P2RX2: variants seen among roughly 807,000 people sequenced by gnomAD.
P2RX2 encodes P2X purinoceptor 2.
P2RX2 carries 50 observed loss-of-function variants against 54.8 expected under a neutral mutation model. The ratio of observed to expected loss-of-function variants is 0.91; its 90% CI spans 0.73 to 1.15. The LOEUF is 1.15. Ranked by LOEUF, P2RX2 falls within the 50% of genes most tolerant of loss-of-function variation. The pLI, the probability that P2RX2 is intolerant of heterozygous loss-of-function variation, is 0.00. For synonymous variants in P2RX2, 289 were observed against 259.4 expected (o/e 1.11, Z -1.09); for missense variants, 658 against 633.2 (o/e 1.04, Z -0.42).
At chr12:132,619,814 G>A (rs750267757) in intron 3 of P2RX2, 30 bp from the exon 4 acceptor site, 22 of 1,610,646 alleles carry the variant, frequency 1.4e-5, no homozygotes, top group Admixed American at 1.7e-5. Flanking sequence ...GTCCCTTGCG[G>A]GGTCCCTGAC....
In P2RX2 at chr12:132,621,616, C is replaced by T. The variant is rs1209099729; in HGVS notation, c.1063-3C>T. ...CTTACACACCGGTCTCTGCTGGCCC[C>T]AGGGCTCCTTCCTGTGCGACTGGAT... On this transcript the variant is annotated splice_polypyrimidine_tract_variant and splice_region_variant and intron_variant, in intron 10 of 10. Transcript: ENST00000643471. 10 of 1,612,962 alleles carry T rather than the reference C, an allele frequency of 6.2e-6. No homozygotes were observed. Among genetic ancestry groups the T allele is most frequent in the Non-Finnish European group, 7.6e-6 (9 of 1,179,432 alleles).
rs1226091456 is a variant in P2RX2 at position 132,621,993 on chromosome 12, A to T, written c.*21A>T. The T allele has an allele frequency of 5.0e-6, 8 of 1,613,136 alleles. No individual in the cohort carries two copies. The highest frequency in any genetic ancestry group is 6.8e-6 in the Non-Finnish European group (8 of 1,179,908). On this transcript the variant is annotated 3_prime_UTR_variant, in exon 11 of 11. Coordinates refer to ENST00000643471, the MANE Select transcript of P2RX2 (RefSeq NM_170682.4). ...TCTGAGCTCCTTTCCATCTCACTGG[A>T]CTGCAGACCCGGCCTGGTGGGGCCA...
Position 132,619,465 on chromosome 12 carries a change from A to C in P2RX2, c.200A>C (p.Tyr67Ser). The stretch of plus-strand genomic sequence containing the variant: ...TACGTATTCATCGTGCAGAAAAGCT[A>C]CCAGGAGAGCGAGACGGGCCCCGAG... The part of the protein sequence containing the change: ...VWYVFIVQKS[Y>S]QESETGPESS... The change falls in exon 2 of 11, where the codon TAC (tyrosine) becomes TCC (serine). Residue 67 changes from tyrosine to serine, a missense_variant. By Grantham distance (144) the Tyr-to-Ser change is moderately radical. Coordinates refer to ENST00000643471, the MANE Select transcript of P2RX2 (RefSeq NM_170682.4). 6.2e-7 allele frequency: 1 copy of C among 1,612,322 alleles called. No homozygotes were observed. The highest frequency in any genetic ancestry group is 8.5e-7 in the Non-Finnish European group (1 of 1,179,374).
At position 132,621,549 on chromosome 12, in the gene P2RX2, C is replaced by T. The variant is rs779913347; in HGVS notation, c.1062+9C>T. 1 of 1,583,390 alleles carries T rather than the reference C, an allele frequency of 6.3e-7. No homozygotes were observed. Among genetic ancestry groups the T allele is most frequent in the Non-Finnish European group, 8.6e-7 (1 of 1,162,960 alleles). On this transcript the variant is annotated intron_variant, in intron 10 of 10. Coordinates refer to ENST00000643471, the MANE Select transcript of P2RX2 (RefSeq NM_170682.4). ...TGACTTCCGTCGGGGTGGTAAGGAA[C>T]CCTCTCTGGGGTCCCAGCGGGTGCG...
At position 132,619,935 on chromosome 12, in the gene P2RX2, C is replaced by A; in HGVS notation, c.457+16C>A. On this transcript the variant is annotated intron_variant, in intron 4 of 10. Transcript: ENST00000643471. ...CTGGGAAACGGTCGGTGTGCGCCAG[C>A]TGGGGCTGGGCGGGTGGGGCAGGGC... The A allele has an allele frequency of 1.3e-6, 1 of 791,320 alleles. No individual in the cohort carries two copies. The highest frequency in any genetic ancestry group is 2.0e-6 in the Non-Finnish European group (1 of 489,722). 49.0% of individuals were successfully genotyped at this position (791,320 alleles called of 1,614,324 possible).
In P2RX2 at chr12:132,622,020, A is replaced by G. The variant is rs2041722068; in HGVS notation, c.*48A>G. The G allele has an allele frequency of 6.2e-7, 1 of 1,610,052 alleles. No homozygotes were observed. The highest frequency in any genetic ancestry group is 1.3e-5 in the African/African-American group (1 of 74,870). On this transcript the variant is annotated 3_prime_UTR_variant, in exon 11 of 11. Coordinates refer to ENST00000643471, the MANE Select transcript of P2RX2 (RefSeq NM_170682.4). ...TGCAGACCCGGCCTGGTGGGGCCAG[A>G]GAGTCCCCAGCTAGGGACCTGCACG...
In P2RX2 at chr12:132,618,916, A is replaced by G; in HGVS notation, c.100A>G (p.Ile34Val). The change falls in exon 1 of 11, where the codon ATC becomes GTC. Residue 34 changes from isoleucine to valine, a missense_variant. Physicochemically the swap from Ile to Val is conservative, Grantham distance 29. Transcript: ENST00000643471. ...CTGGGACTACGAGACGCCCAAGGTG[A>G]TCGTGGTGAGGAACCGGCGCCTGGG... ...ALWDYETPKV[I>V]VVRNRRLGVL... 2 of 1,340,980 alleles carry G rather than the reference A, an allele frequency of 1.5e-6. No homozygotes were observed. Among genetic ancestry groups the G allele is most frequent in the African/African-American group, 1.5e-5 (1 of 65,580 alleles). 83.1% of individuals were successfully genotyped at this position (1,340,980 alleles called of 1,614,324 possible).
intron 7 of P2RX2, 111 bp downstream of exon 7, chr12:132,620,694 A>G (rs936621297): frequency 5.3e-5 from 63 of 1,199,044 alleles, no homozygotes; most frequent in Middle Eastern, 5.4e-4. Flanking sequence ...GGCCCCGCTC[A>G]GGCAGAGGAA....
At chr12:132,620,867 TGG>T (rs2138380811) in intron 7 of P2RX2, 132 bp from the exon 8 acceptor site, 10 of 1,000,446 alleles carry the variant, frequency 1.0e-5, no homozygotes, top group Admixed American at 2.6e-5. Context: ...ACATGCAGCC[TGG>T]GACTGACCCG....
At position 132,621,868 on chromosome 12, in the gene P2RX2, C is replaced by T. The variant is rs1339575034; in HGVS notation, c.1312C>T (p.Pro438Ser). The T allele has an allele frequency of 6.2e-7, 1 of 1,613,320 alleles. No individual in the cohort carries two copies. The highest frequency in any genetic ancestry group is 1.1e-5 in the South Asian group (1 of 91,054). Reference protein sequence around the residue: ...ECGPAFPPLRPCPISAPSEQM... With the variant: ...ECGPAFPPLRSCPISAPSEQM... ...TGGCCCAGCCTTCCCGCCCCTGCGG[C>T]CTTGCCCCATCTCTGCCCCTTCTGA... Residue 438 changes from proline (P) to serine (S), a missense_variant, in exon 11 of 11, where the codon CCT becomes TCT. Physicochemically the swap from Pro to Ser is moderately conservative, Grantham distance 74 (BLOSUM62 -1). Transcript: ENST00000643471.
At chr12:132,620,953 G>C in intron 7 of P2RX2, 48 bp from the exon 8 acceptor site, 1 of 1,574,360 alleles carries the variant, frequency 6.4e-7, no homozygotes, top group Non-Finnish European at 8.6e-7. Context: ...CTCTCGAGGG[G>C]CCTCTCGTGT....
At chr12:132,620,717 C>A in intron 7 of P2RX2, 134 bp downstream of exon 7, 1 of 1,089,866 alleles carries the variant, frequency 9.2e-7, no homozygotes, top group Non-Finnish European at 1.3e-6. Flanking sequence ...GAAATGCGAT[C>A]AGCGCAACCC....
At position 132,622,047 on chromosome 12, in the gene P2RX2, G is replaced by C; in HGVS notation, c.*75G>C. On this transcript the variant is annotated 3_prime_UTR_variant, in exon 11 of 11. Coordinates refer to ENST00000643471, the MANE Select transcript of P2RX2 (RefSeq NM_170682.4). The stretch of plus-strand genomic sequence containing the variant: ...AGTCCCCAGCTAGGGACCTGCACGT[G>C]GACGTGGGCACCTCAGTAGCGGAGC... 6.3e-7 allele frequency: 1 copy of C among 1,597,434 alleles called. No homozygotes were observed. Among genetic ancestry groups the C allele is most frequent in the Non-Finnish European group, 8.5e-7 (1 of 1,173,192 alleles).
Position 132,621,805 on chromosome 12 carries a change from C to T in P2RX2, c.1249C>T (p.Pro417Ser). Residue 417 changes from proline to serine, a missense_variant, in exon 11 of 11, where the codon CCT becomes TCT. Coordinates refer to ENST00000643471, the MANE Select transcript of P2RX2 (RefSeq NM_170682.4). ...GHRSEDQHPS[P>S]PSGQEGQQGA... The stretch of plus-strand genomic sequence containing the variant: ...CCGCTCCGAGGACCAGCACCCCAGC[C>T]CTCCATCAGGCCAGGAGGGCCAACA... 6.2e-7 allele frequency: 1 copy of T among 1,606,000 alleles called. No individual in the cohort carries two copies.
chr12:132,621,242 G>C lies in P2RX2; in HGVS notation c.906-13G>C, dbSNP rs757748091. 1 of 1,613,946 alleles carries C rather than the reference G, an allele frequency of 6.2e-7. No homozygotes were observed. Among genetic ancestry groups the C allele is most frequent in the Non-Finnish European group, 8.5e-7 (1 of 1,179,926 alleles). On this transcript the variant is annotated splice_polypyrimidine_tract_variant and intron_variant, in intron 8 of 10. Transcript: ENST00000643471. ...GTGCAGAGGACGAGTGGGCACTGGC[G>C]TTCCCATTGCAGGTTTGCCAAATAC...
Position 132,620,039 on chromosome 12 carries a change from C to A in P2RX2, c.497C>A (p.Pro166His). The change falls in exon 5 of 11, where the codon CCC becomes CAC. Residue 166 changes from proline to histidine, a missense_variant. By Grantham distance (77) the Pro-to-His change is moderately conservative. Transcript: ENST00000643471. Reference sequence around the variant, plus strand: ...CGCTGTGTGCCCTATTACCAGGGGCCCTCCAAGACCTGCGAGGTGTTCGGC... The same window carrying A: ...CGCTGTGTGCCCTATTACCAGGGGCACTCCAAGACCTGCGAGGTGTTCGGC... ...TGRCVPYYQGPSKTCEVFGWC... is the reference protein window; with the variant it reads ...TGRCVPYYQGHSKTCEVFGWC... The A allele has an allele frequency of 1.3e-6, 2 of 1,590,308 alleles. No homozygotes were observed. The highest frequency in any genetic ancestry group is 8.5e-7 in the Non-Finnish European group (1 of 1,169,910).
chr12:132,619,655 AC>A (rs1462557354), intron 2 of P2RX2, 23 bp from the exon 3 acceptor site: 1 of 1,581,542 alleles, frequency 6.3e-7, no homozygotes, highest in Non-Finnish European at 8.6e-7. Flanking sequence ...CGCCTGGCCG[AC>A]CGCCCCCTCT....
chr12:132,622,387 A>ATCTAC lies in P2RX2; in HGVS notation c.*415_*416insTCTAC. ...CTCAGTCCAATAAACCTGTGAGCAG[A>ATCTAC]ACCTTCTGGCCTCGTTCCTTGGGGA... On this transcript the variant is annotated 3_prime_UTR_variant, in exon 11 of 11. Coordinates refer to ENST00000643471, the MANE Select transcript of P2RX2 (RefSeq NM_170682.4). 3.7e-6 allele frequency: 1 copy of ATCTAC among 269,174 alleles called. No individual in the cohort carries two copies. Among genetic ancestry groups the ATCTAC allele is most frequent in the Non-Finnish European group, 6.4e-6 (1 of 156,934 alleles). The allele number at this position is 269,174 out of a possible 1,614,324, so 16.7% of individuals were successfully genotyped here.
At chr12:132,619,044 G>C in intron 1 of P2RX2, 55 bp downstream of exon 1, 1 of 1,085,166 alleles carries the variant, frequency 9.2e-7, no homozygotes, top group Non-Finnish European at 1.2e-6. Context: ...GGAGGGGCTG[G>C]GATTGGGGGC....
Sources: gnomAD v4.1 joint callset for allele counts on GRCh38, gnomAD v4.1.1 for gene constraint, MANE v1.5 for transcripts, NCBI Gene and HGNC (gene_info 2026-07-23, HGNC 2026-07-21) for gene names.